Variants in FAM107B observed in about 807,000 individuals in gnomAD.
FAM107B encodes family with sequence similarity 107 member B.
Under a neutral mutation model 31.5 loss-of-function variants are expected in FAM107B, and 21 were observed. The ratio of observed to expected loss-of-function variants is 0.67; its 90% confidence interval spans 0.47 to 0.96. The LOEUF is 0.96. Ranked by LOEUF, FAM107B falls within the 40% of genes least tolerant of loss-of-function variation. FAM107B has a pLI of 0.00. For synonymous variants in FAM107B, 157 were observed against 141.5 expected (o/e 1.11, Z -0.78); for missense variants, 452 against 377.1 (o/e 1.20, Z -1.64).
At chr10:14,620,532 T>C (rs34414280) in intron 2 of FAM107B, among the ~76,000 whole-genome samples, 9 of 143,790 alleles carry the variant, frequency 6.3e-5, no homozygotes. Context: ...ATGCTTACTG[T>C]ATTTTTTTTA....
chr10:14,660,188 C>T (rs530911388), intron 2 of FAM107B, among the ~76,000 whole-genome samples: 46 of 152,222 alleles, frequency 3.0e-4, no homozygotes, highest in Admixed American at 7.2e-4. Context: ...GAGGTCCTGG[C>T]AGCACAGGTT....
chr10:14,557,596 T>C (rs1281503641), intron 2 of FAM107B, among the ~76,000 whole-genome samples: 1 of 152,236 alleles, frequency 6.6e-6, no homozygotes, highest in Non-Finnish European at 1.5e-5. Flanking sequence ...ATATCAATGA[T>C]GATGGTTTGG....
intron 1 of FAM107B, chr10:14,724,169 T>A (rs1251910563): frequency 1.5e-5 from 7 of 457,114 alleles, no homozygotes; most frequent in African/African-American, 2.0e-5. Flanking sequence ...CTTCTACGTG[T>A]CTTATATTTA....
intron 2 of FAM107B, among the ~76,000 whole-genome samples, chr10:14,636,414 C>G (rs1461542475): frequency 6.6e-6 from 1 of 152,078 alleles, no homozygotes; most frequent in African/African-American, 2.4e-5. Context: ...ACCTCTAACT[C>G]TTTTTGGGGG....
In FAM107B at chr10:14,519,324, C is replaced by T. The variant is rs566386188; in HGVS notation, c.*1866G>A. 6.6e-6 allele frequency: 1 copy of T among 152,168 alleles called. No individual in the cohort carries two copies. Among genetic ancestry groups the T allele is most frequent in the South Asian group, 2.1e-4 (1 of 4,824 alleles). The allele number at this position is 152,168 out of a possible 1,614,324, so 9.4% of individuals were successfully genotyped here. On this transcript the variant is annotated 3_prime_UTR_variant, in exon 5 of 5. Coordinates refer to ENST00000181796, the MANE Select transcript of FAM107B (RefSeq NM_031453.4). The stretch of plus-strand genomic sequence containing the variant: ...TCTAGTTAGATAAAAAGATATGAGC[C>T]AGTCCCGAATCTTCATTTTACAAAC...
At chr10:14,687,434 G>T (rs370258117) in intron 1 of FAM107B, among the ~76,000 whole-genome samples, 1 of 152,288 alleles carries the variant, frequency 6.6e-6, no homozygotes, top group East Asian at 1.9e-4. Flanking sequence ...AGGTCAGTAT[G>T]TATCTTTAGA....
intron 1 of FAM107B, among the ~76,000 whole-genome samples, chr10:14,700,469 C>T (rs1855370623): frequency 6.6e-6 from 1 of 151,910 alleles, no homozygotes; most frequent in Admixed American, 6.6e-5. Flanking sequence ...TTTCAGTGCT[C>T]GCATCGAATT....
intron 2 of FAM107B, among the ~76,000 whole-genome samples, chr10:14,657,836 G>T (rs1287519084): frequency 6.6e-6 from 1 of 150,522 alleles, no homozygotes; most frequent in Non-Finnish European, 1.5e-5. Context: ...TTTTGAGGCT[G>T]GTCTCACTCT....
At chr10:14,723,601 G>T (rs1395733931) in intron 1 of FAM107B, 3 of 684,076 alleles carry the variant, frequency 4.4e-6, no homozygotes, top group Non-Finnish European at 5.4e-6. Flanking sequence ...GAACAGAGGG[G>T]AATCTGTGTG....
chr10:14,596,418 C>A (rs1241963247), intron 2 of FAM107B, among the ~76,000 whole-genome samples: 1 of 152,166 alleles, frequency 6.6e-6, no homozygotes, highest in Non-Finnish European at 1.5e-5. Flanking sequence ...TCCCACTGAT[C>A]CCCAGAGCCT....
At chr10:14,685,985 C>G (rs1244047426) in intron 1 of FAM107B, among the ~76,000 whole-genome samples, 1 of 152,174 alleles carries the variant, frequency 6.6e-6, no homozygotes, top group Non-Finnish European at 1.5e-5. Flanking sequence ...ACCATCAGAT[C>G]TTGTGGGACC....
At chr10:14,539,690 G>A (rs1564541532) in intron 2 of FAM107B, among the ~76,000 whole-genome samples, 1 of 152,154 alleles carries the variant, frequency 6.6e-6, no homozygotes. Flanking sequence ...TCCTGGCTCA[G>A]GGAAGGAGGT....
intron 2 of FAM107B, among the ~76,000 whole-genome samples, chr10:14,616,441 C>T (rs1182300679): frequency 1.3e-5 from 2 of 152,124 alleles, no homozygotes; most frequent in Non-Finnish European, 2.9e-5. Context: ...AATGAATATG[C>T]CTGAGCTGTA....
chr10:14,587,976 G>A (rs1023764882), intron 2 of FAM107B, among the ~76,000 whole-genome samples: 1 of 152,180 alleles, frequency 6.6e-6, no homozygotes, highest in Non-Finnish European at 1.5e-5. Flanking sequence ...ACACCCTTGA[G>A]AGAAATGGTG....
Position 14,589,173 on chromosome 10 carries a change from C to CAA in FAM107B, c.470-58660_470-58659dup, listed in dbSNP as rs148244421. On this transcript the variant is annotated intron_variant, in intron 2 of 4. Coordinates refer to ENST00000181796, the MANE Select transcript of FAM107B (RefSeq NM_031453.4). ...CCTAGGTGACACACCGAGACTGTCT[C>CAA]AAAAAAAAAAAAAGAAAAGAAAAAA... is the stretch of plus-strand genomic sequence containing the variant. Among the ~76,000 whole-genome samples the CAA allele has an allele frequency of 3.3e-3, 352 of 105,502 alleles. 2 individuals carry two copies. The highest frequency in any genetic ancestry group is 0.012 in the African/African-American group (313 of 26,742). The allele number at this position is 105,502 out of a possible 152,430, so 69.2% of individuals were successfully genotyped here.
At chr10:14,670,572 T>C (rs1489677997) in intron 1 of FAM107B, among the ~76,000 whole-genome samples, 1 of 152,236 alleles carries the variant, frequency 6.6e-6, no homozygotes. Context: ...AATAAAGTCA[T>C]TTTCAAGATG....
At chr10:14,719,163 G>A (rs764972990) in intron 1 of FAM107B, among the ~76,000 whole-genome samples, 2 of 152,142 alleles carry the variant, frequency 1.3e-5, no homozygotes, top group African/African-American at 4.8e-5. Context: ...AGCAGGATCC[G>A]AGGCTCACTG....
chr10:14,576,507 A>G (rs189319916), intron 2 of FAM107B, among the ~76,000 whole-genome samples: 9 of 150,744 alleles, frequency 6.0e-5, no homozygotes, highest in Admixed American at 5.9e-4. Flanking sequence ...AGCCTAGGCA[A>G]CAGTGCAAGA....
intron 1 of FAM107B, among the ~76,000 whole-genome samples, chr10:14,768,695 C>T (rs1408320304): frequency 1.3e-5 from 2 of 152,148 alleles, no homozygotes; most frequent in Admixed American, 1.3e-4. Context: ...TATTTTATCA[C>T]AATAAAATGA....
Sources: allele counts gnomAD v4.1 joint callset (sites outside exome capture counted in the v4.1 genomes callset), GRCh38; gene constraint gnomAD v4.1.1; transcripts MANE v1.5; gene names NCBI Gene and HGNC (gene_info 2026-07-23, HGNC 2026-07-21).